The following NALF1 variants were observed in gnomAD, a reference collection of about 807,000 sequenced individuals.
NALF1 encodes NALCN channel auxiliary factor 1.
In NALF1, 3 loss-of-function variants were observed where a neutral mutation model predicts 48.4. The ratio of observed to expected loss-of-function variants is 0.06; its 90% CI spans 0.03 to 0.16. NALF1 has a LOEUF of 0.16. NALF1 is among the 10% of genes least tolerant of loss of function. The pLI, the probability that NALF1 is intolerant of heterozygous loss-of-function variation, is 1.00. For synonymous variants in NALF1, 262 were observed against 245.7 expected, an observed-to-expected ratio of 1.07 and a Z score of -0.62; for missense variants, 526 against 571.5, an observed-to-expected ratio of 0.92 and a Z score of 0.81.
chr13:107,819,682 A>ATT (rs1413608075), intron 1 of NALF1, among the ~76,000 whole-genome samples: 1 of 79,916 alleles, frequency 1.3e-5, no homozygotes, highest in Non-Finnish European at 3.2e-5. Context: ...CCAGCTGGAA[A>ATT]TTCTCTCTCT....
rs1228505117 is a variant in NALF1, at chr13:107,867,271, TCCCCCCCACCCCCCA to T, written c.-690_-676del. ...GGGCTGCCTCCGGCGGGGCGCTCCC[TCCCCCCCACCCCCCA>T]CCCCGCGCTCTAAGTGCTGCCGCCG... On this transcript the variant is annotated 5_prime_UTR_variant, in exon 1 of 3. Transcript: ENST00000375915. The surrounding 1 kb of genome is among the most constrained non-coding windows in gnomAD (Gnocchi z 4.4). Among the ~76,000 whole-genome samples the T allele has an allele frequency of 2.4e-5, 1 of 41,832 alleles. No homozygotes were observed. Among genetic ancestry groups the T allele is most frequent in the Non-Finnish European group, 5.1e-5 (1 of 19,602 alleles). 27.4% of individuals were successfully genotyped at this position (41,832 alleles called of 152,430 possible). A position where few individuals can be genotyped will look rare whatever the true frequency, so the allele number is the denominator to read the frequency against.
chr13:107,363,719 T>C (rs978078905), intron 1 of NALF1, among the ~76,000 whole-genome samples: 6 of 152,270 alleles, frequency 3.9e-5, no homozygotes, highest in African/African-American at 1.4e-4. Flanking sequence ...TTTTTGTCTA[T>C]TGAAGAACTG....
intron 1 of NALF1, among the ~76,000 whole-genome samples, chr13:107,347,504 G>C (rs564265712): frequency 1.3e-5 from 2 of 152,324 alleles, no homozygotes; most frequent in Non-Finnish European, 2.9e-5. Context: ...ACAAGCCTCA[G>C]ACAGGCTCTC....
intron 2 of NALF1, among the ~76,000 whole-genome samples, chr13:107,177,147 T>G (rs1321546546): frequency 6.6e-6 from 1 of 151,968 alleles, no homozygotes; most frequent in Non-Finnish European, 1.5e-5. Context: ...AAAGAAAATA[T>G]CTATGACTTA....
At position 107,843,665 on chromosome 13, in the gene NALF1, A is replaced by G. The variant is rs1055806744; in HGVS notation, c.915+22017T>C. Among the ~76,000 whole-genome samples, 79 of 152,112 alleles carry G rather than the reference A, an allele frequency of 5.2e-4. 5 individuals are homozygous for G. Reference sequence around the variant, plus strand: ...ATTTCTTATTTCAGCTTTGTTTTCCAGCAGATACACCCTAAAACTTCTGAA... The same window carrying G: ...ATTTCTTATTTCAGCTTTGTTTTCCGGCAGATACACCCTAAAACTTCTGAA... On this transcript the variant is annotated intron_variant, in intron 1 of 2. Transcript: ENST00000375915.
At chr13:107,809,804 A>G (rs1341649807) in intron 1 of NALF1, among the ~76,000 whole-genome samples, 2 of 152,122 alleles carry the variant, frequency 1.3e-5, no homozygotes, top group African/African-American at 2.4e-5. Context: ...ATCCATACTC[A>G]TGGAAACGTC....
At chr13:107,752,390 A>T (rs1167488264) in intron 1 of NALF1, among the ~76,000 whole-genome samples, 1 of 152,154 alleles carries the variant, frequency 6.6e-6, no homozygotes, top group Admixed American at 6.5e-5. Flanking sequence ...ATACAAGAAA[A>T]TTTGTTATAC....
Position 107,721,354 on chromosome 13 carries a change from G to A in NALF1, c.915+144328C>T, listed in dbSNP as rs376648891. Among the ~76,000 whole-genome samples, 3 of 152,266 alleles carry A rather than the reference G, an allele frequency of 2.0e-5. No homozygotes were observed. In the East Asian group the frequency reaches 5.8e-4, roughly 29 times the overall value. On this transcript the variant is annotated intron_variant, in intron 1 of 2. Transcript: ENST00000375915. The stretch of plus-strand genomic sequence containing the variant: ...CCTCACAGTCCAGCCCCTCCACTGT[G>A]ACAGTCCTTCCAGAACACAACTGTT...
chr13:107,584,304 G>C (rs1382678172), intron 1 of NALF1, among the ~76,000 whole-genome samples: 1 of 152,164 alleles, frequency 6.6e-6, no homozygotes, highest in Non-Finnish European at 1.5e-5. Context: ...CTGTGATTTG[G>C]AAAGTTGGAT....
chr13:107,553,383 C>T (rs1877356007), intron 1 of NALF1, among the ~76,000 whole-genome samples: 1 of 152,122 alleles, frequency 6.6e-6, no homozygotes, highest in Admixed American at 6.5e-5. Flanking sequence ...GTATTAGACT[C>T]ATTAAAATTG....
chr13:107,337,522 G>A (rs1242453123), intron 1 of NALF1, among the ~76,000 whole-genome samples: 1 of 152,086 alleles, frequency 6.6e-6, no homozygotes, highest in East Asian at 1.9e-4. Flanking sequence ...TGCCATTAAT[G>A]CTGATAAATA....
intron 1 of NALF1, among the ~76,000 whole-genome samples, chr13:107,239,537 C>A (rs1280446044): frequency 1.3e-5 from 2 of 152,338 alleles, no homozygotes; most frequent in Non-Finnish European, 2.9e-5. Context: ...CGGTCACATT[C>A]ACAAGGACCA....
chr13:107,572,875 A>C (rs1314805687), intron 1 of NALF1, among the ~76,000 whole-genome samples: 1 of 152,148 alleles, frequency 6.6e-6, no homozygotes, highest in Non-Finnish European at 1.5e-5. Context: ...AAATCATGTC[A>C]CTCTCTTCTT....
intron 1 of NALF1, among the ~76,000 whole-genome samples, chr13:107,629,619 C>CTCATTTTTGATAAACAATG (rs6145231): frequency 0.58 from 87,814 of 151,638 alleles, 27,847 homozygotes; most frequent in East Asian, 0.99. Flanking sequence ...GCTCTCTCTT[C>CTCATTTTTGATAAACAATG]TCACTTTTTA....
At chr13:107,198,736 C>A (rs1177554138) in intron 2 of NALF1, among the ~76,000 whole-genome samples, 2 of 152,150 alleles carry the variant, frequency 1.3e-5, no homozygotes, top group African/African-American at 2.4e-5. Flanking sequence ...GCTAGATGTC[C>A]AAAATCAATG....
chr13:107,777,709 T>G (rs1877778435), intron 1 of NALF1, among the ~76,000 whole-genome samples: 1 of 152,138 alleles, frequency 6.6e-6, no homozygotes, highest in Non-Finnish European at 1.5e-5. Context: ...CCCTTTTTCT[T>G]TACCCAGCCT....
chr13:107,661,521 AC>A (rs1233649988), intron 1 of NALF1, among the ~76,000 whole-genome samples: 3 of 151,764 alleles, frequency 2.0e-5, no homozygotes, highest in Non-Finnish European at 4.4e-5. Context: ...AACTAGTAGC[AC>A]AGGTAACTAA....
At chr13:107,778,119 G>A (rs950233858) in intron 1 of NALF1, among the ~76,000 whole-genome samples, 2 of 152,206 alleles carry the variant, frequency 1.3e-5, no homozygotes, top group Non-Finnish European at 2.9e-5. Flanking sequence ...GAAATAACGT[G>A]TGAAAACACC....
chr13:107,192,198 G>T (rs72664791), intron 2 of NALF1, among the ~76,000 whole-genome samples: 6,042 of 152,158 alleles, frequency 0.04, 154 homozygotes, highest in Non-Finnish European at 0.058. Flanking sequence ...CTTATAAAAA[G>T]GAAATATTAA....
Sources: allele counts gnomAD v4.1 joint callset (sites outside exome capture counted in the v4.1 genomes callset), GRCh38; gene constraint gnomAD v4.1.1; non-coding constraint Gnocchi (gnomAD v3.1); transcripts MANE v1.5; gene names NCBI Gene and HGNC (gene_info 2026-07-23, HGNC 2026-07-21).